Variants in KHDRBS2 observed in about 807,000 individuals in gnomAD.
KHDRBS2 encodes KH RNA binding domain containing, signal transduction associated 2.
Under a neutral mutation model 44.3 loss-of-function variants are expected in KHDRBS2, and 26 were observed. The observed-to-expected ratio is 0.59, with a 90% CI of 0.43 to 0.81. KHDRBS2 has a LOEUF of 0.81. Ranked by LOEUF, KHDRBS2 falls within the 40% of genes least tolerant of loss-of-function variation. The pLI is 0.00. For synonymous variants in KHDRBS2, 194 were observed against 151.1 expected, an observed-to-expected ratio of 1.28 and a Z score of -2.08; for missense variants, 476 against 433.1, an observed-to-expected ratio of 1.10 and a Z score of -0.88.
chr6:62,085,355 G>C (rs939394386), intron 2 of KHDRBS2, among the ~76,000 whole-genome samples: 1 of 151,996 alleles, frequency 6.6e-6, no homozygotes, highest in Non-Finnish European at 1.5e-5. Context: ...AAAAGCATAG[G>C]AAATAAGGCT....
rs547822475 is a variant in KHDRBS2 at position 61,981,689 on chromosome 6, C to T, written c.337-3477G>A. 3.7e-4 allele frequency among the ~76,000 whole-genome samples: 56 copies of T among 152,212 alleles called. No homozygotes were observed. In the South Asian group the frequency reaches 0.011, roughly 30 times the overall value. On this transcript the variant is annotated intron_variant, in intron 3 of 8. Transcript: ENST00000281156. ...TAAATGAAGTCTGCTTGACCCCAAA[C>T]CAACTTAGATTTTTCAGAGAGCCCC... is the stretch of plus-strand genomic sequence containing the variant.
chr6:61,561,946 A>G, the KHDRBS2 span, among the ~76,000 whole-genome samples: 1 of 152,266 alleles, frequency 6.6e-6, no homozygotes, highest in African/African-American at 2.4e-5. Flanking sequence ...TGCCAAAACA[A>G]TACTTCCAGT....
intron 1 of KHDRBS2, among the ~76,000 whole-genome samples, chr6:62,200,365 C>A (rs1826682557): frequency 6.6e-6 from 1 of 152,094 alleles, no homozygotes; most frequent in Admixed American, 6.6e-5. Context: ...CCAGAATCTA[C>A]AATGAACTCA....
rs1782312117 is a variant in KHDRBS2 at position 62,021,549 on chromosome 6, G to A, written c.336+26329C>T. On this transcript the variant is annotated intron_variant, in intron 3 of 8. Coordinates refer to ENST00000281156, the MANE Select transcript of KHDRBS2 (RefSeq NM_152688.4). ...CATTTTACATATATAAGTTCTTTTG[G>A]CCATACTGTCAGAGTCTATGTCCTG... Among the ~76,000 whole-genome samples the A allele has an allele frequency of 2.0e-5, 3 of 151,590 alleles. No individual in the cohort carries two copies. In the South Asian group the frequency reaches 6.3e-4, roughly 32 times the overall value.
chr6:61,665,169 C>T, the KHDRBS2 span, among the ~76,000 whole-genome samples: 3,728 of 151,306 alleles, frequency 0.025, 72 homozygotes, highest in Middle Eastern at 0.083. Context: ...TATGTTTCTC[C>T]AGTTATTTTA....
chr6:61,610,188 T>TA, the KHDRBS2 span, among the ~76,000 whole-genome samples: 251 of 112,940 alleles, frequency 2.2e-3, 3 homozygotes, highest in African/African-American at 6.7e-3. Context: ...TATATATATT[T>TA]AAAAAAAAAA....
At chr6:62,135,941 A>T (rs1811425114) in intron 2 of KHDRBS2, among the ~76,000 whole-genome samples, 1 of 152,146 alleles carries the variant, frequency 6.6e-6, no homozygotes, top group African/African-American at 2.4e-5. Context: ...GGGCACGAAG[A>T]TGTAGTTATC....
At chr6:61,666,775 A>G in the KHDRBS2 span, among the ~76,000 whole-genome samples, 13 of 151,540 alleles carry the variant, frequency 8.6e-5, no homozygotes, top group African/African-American at 2.4e-4. Flanking sequence ...GTATTGCTTC[A>G]ACAATGGTTT....
At chr6:62,156,828 C>G (rs1375164389) in intron 2 of KHDRBS2, among the ~76,000 whole-genome samples, 1 of 133,732 alleles carries the variant, frequency 7.5e-6, no homozygotes, top group African/African-American at 2.9e-5. Context: ...CCCGCCACCA[C>G]GCCCGGCTAA....
intron 2 of KHDRBS2, among the ~76,000 whole-genome samples, chr6:62,068,340 A>C (rs1471403303): frequency 6.6e-6 from 1 of 151,466 alleles, no homozygotes; most frequent in East Asian, 2.0e-4. Context: ...ATGTCTATGC[A>C]GATTATATAT....
intron 6 of KHDRBS2, among the ~76,000 whole-genome samples, chr6:61,758,186 T>C (rs548063030): frequency 2.6e-4 from 39 of 152,228 alleles, no homozygotes; most frequent in African/African-American, 8.7e-4. Context: ...ACTGGGGAAA[T>C]TGTAGGGCTT....
chr6:61,739,432 C>G (rs1234032807), intron 6 of KHDRBS2, among the ~76,000 whole-genome samples: 4 of 151,760 alleles, frequency 2.6e-5, no homozygotes, highest in Non-Finnish European at 5.9e-5. Context: ...TTTTGACATA[C>G]TGGAAGAATA....
chr6:62,117,659 C>G (rs1178366128), intron 2 of KHDRBS2, among the ~76,000 whole-genome samples: 1 of 152,086 alleles, frequency 6.6e-6, no homozygotes, highest in Non-Finnish European at 1.5e-5. Flanking sequence ...CTTTTGAGGT[C>G]TAAACCCAAA....
At chr6:62,058,403 A>G (rs1047221314) in intron 2 of KHDRBS2, among the ~76,000 whole-genome samples, 2 of 151,868 alleles carry the variant, frequency 1.3e-5, no homozygotes, top group African/African-American at 4.8e-5. Context: ...CATATTCCTG[A>G]TTTGGGGATG....
the KHDRBS2 span, among the ~76,000 whole-genome samples, chr6:61,595,267 G>A: frequency 1.3e-5 from 2 of 151,924 alleles, no homozygotes; most frequent in Non-Finnish European, 2.9e-5. Context: ...ATATCTTCAG[G>A]CCCATGTTTA....
chr6:62,067,003 A>G (rs535358297), intron 2 of KHDRBS2, among the ~76,000 whole-genome samples: 4 of 151,728 alleles, frequency 2.6e-5, no homozygotes, highest in Admixed American at 1.3e-4. Flanking sequence ...TAAATTAAAA[A>G]GTTAATTTTG....
intron 3 of KHDRBS2, among the ~76,000 whole-genome samples, chr6:61,988,473 C>T (rs1271253641): frequency 6.6e-6 from 1 of 152,146 alleles, no homozygotes; most frequent in Admixed American, 6.6e-5. Context: ...TACAAATGGG[C>T]TTTCTTAGGG....
At chr6:61,649,533 A>G in the KHDRBS2 span, among the ~76,000 whole-genome samples, 7 of 152,164 alleles carry the variant, frequency 4.6e-5, no homozygotes, top group Non-Finnish European at 1.0e-4. Context: ...GTATAATCAA[A>G]TGCCTATTTA....
At chr6:61,629,118 A>T in the KHDRBS2 span, among the ~76,000 whole-genome samples, 2 of 152,234 alleles carry the variant, frequency 1.3e-5, no homozygotes, top group East Asian at 3.8e-4. Flanking sequence ...AATTACAGAG[A>T]AATTCATTTG....
Sources: gnomAD v4.1 joint callset for allele counts (sites outside exome capture counted in the v4.1 genomes callset) on GRCh38, gnomAD v4.1.1 for gene constraint, MANE v1.5 for transcripts, NCBI Gene and HGNC (gene_info 2026-07-23, HGNC 2026-07-21) for gene names.